Variants in GOLM1 observed in about 807,000 individuals in gnomAD.
GOLM1 encodes epididymis luminal protein 46.
GOLM1 carries 31 observed loss-of-function variants against 50.5 expected under a neutral mutation model. The observed-to-expected ratio is 0.61, with a 90% confidence interval of 0.46 to 0.83. GOLM1 has a LOEUF of 0.83. Among genes scored for constraint, GOLM1 ranks in the 40% least tolerant of loss-of-function variants. GOLM1 has a pLI of 0.00. For missense variants in GOLM1, 491 were observed against 501.3 expected, an observed-to-expected ratio of 0.98 and a Z score of 0.20; for synonymous variants, 178 against 192.8, an observed-to-expected ratio of 0.92 and a Z score of 0.64.
chr9:86,031,878 A>G (rs1017917227), intron 9 of GOLM1, among the ~76,000 whole-genome samples: 4 of 146,838 alleles, frequency 2.7e-5, no homozygotes, highest in African/African-American at 5.0e-5. Context: ...GTCAGCCAAG[A>G]TCGCGCCACT....
chr9:86,093,459 A>C (rs1052557377), intron 1 of GOLM1, among the ~76,000 whole-genome samples: 1 of 151,798 alleles, frequency 6.6e-6, no homozygotes, highest in Admixed American at 6.6e-5. Context: ...AATTCCAGCT[A>C]CTTGGGAGGC....
chr9:86,035,113 AT>A (rs111367890), intron 8 of GOLM1: 1 of 985,316 alleles, frequency 1.0e-6, no homozygotes, highest in Non-Finnish European at 1.2e-6. Flanking sequence ...TCTGCAGGCC[AT>A]CCACTTGCAA....
intron 1 of GOLM1, among the ~76,000 whole-genome samples, chr9:86,082,130 G>A (rs756345882): frequency 7.0e-6 from 1 of 142,770 alleles, no homozygotes; most frequent in Non-Finnish European, 1.5e-5. Context: ...CCAGGTTCAT[G>A]CCATTCTCCT....
intron 1 of GOLM1, among the ~76,000 whole-genome samples, chr9:86,089,639 T>C (rs1005414050): frequency 6.6e-5 from 10 of 152,280 alleles, no homozygotes; most frequent in South Asian, 4.1e-4. Context: ...AAACTGGTTA[T>C]TCTAGTTAGC....
At chr9:86,067,297 G>A (rs1834334882) in intron 3 of GOLM1, among the ~76,000 whole-genome samples, 1 of 152,182 alleles carries the variant, frequency 6.6e-6, no homozygotes, top group South Asian at 2.1e-4. Context: ...GCCCTCCTTA[G>A]GAGAGAATGC....
At chr9:86,061,212 T>C (rs1295725414) in intron 3 of GOLM1, among the ~76,000 whole-genome samples, 1 of 152,168 alleles carries the variant, frequency 6.6e-6, no homozygotes, top group Admixed American at 6.6e-5. Flanking sequence ...GCCACATTGA[T>C]AATTAAATCT....
intron 1 of GOLM1, among the ~76,000 whole-genome samples, chr9:86,098,957 C>T (rs928624258): frequency 6.6e-6 from 1 of 152,180 alleles, no homozygotes; most frequent in African/African-American, 2.4e-5. Flanking sequence ...GAAGAGGCGG[C>T]GGGAGCCGAG....
intron 3 of GOLM1, among the ~76,000 whole-genome samples, chr9:86,055,492 G>T (rs1833958917): frequency 6.6e-6 from 1 of 152,208 alleles, no homozygotes. Flanking sequence ...GCACTCTCAT[G>T]TTCGCTGCAG....
At chr9:86,067,441 A>G (rs1210768752) in intron 3 of GOLM1, among the ~76,000 whole-genome samples, 5 of 152,268 alleles carry the variant, frequency 3.3e-5, no homozygotes, top group Non-Finnish European at 7.3e-5. Context: ...ACAGTATTTC[A>G]CTGGTGGTTG....
intron 3 of GOLM1, among the ~76,000 whole-genome samples, chr9:86,066,427 T>G (rs1476757789): frequency 6.6e-6 from 1 of 152,204 alleles, no homozygotes; most frequent in Non-Finnish European, 1.5e-5. Context: ...TAAGCTTTTC[T>G]TCTTCTGGAC....
chr9:86,033,158 C>T (rs1418585006), intron 9 of GOLM1, 124 bp downstream of exon 9: 11 of 642,238 alleles, frequency 1.7e-5, no homozygotes, highest in East Asian at 2.7e-5. Flanking sequence ...AAAGAACAGA[C>T]GATCTCCTTG....
chr9:86,055,779 G>A (rs1437711624), intron 3 of GOLM1, among the ~76,000 whole-genome samples: 20 of 152,186 alleles, frequency 1.3e-4, no homozygotes, highest in Admixed American at 1.2e-3. Flanking sequence ...TGGCTGTCCA[G>A]GGATAGGAGA....
intron 3 of GOLM1, among the ~76,000 whole-genome samples, chr9:86,069,100 T>C (rs372945783): frequency 5.9e-5 from 9 of 152,108 alleles, no homozygotes; most frequent in Admixed American, 2.6e-4. Context: ...AAGTATATTA[T>C]TAAGTAGTAA....
In GOLM1 at chr9:86,027,680, T is replaced by C; in HGVS notation, c.*137A>G. 1 of 1,423,922 alleles carries C rather than the reference T, an allele frequency of 7.0e-7. No individual in the cohort carries two copies. The highest frequency in any genetic ancestry group is 9.2e-7 in the Non-Finnish European group (1 of 1,089,962). The allele number at this position is 1,423,922 out of a possible 1,614,324, so 88.2% of individuals were successfully genotyped here. A position where few individuals can be genotyped will look rare whatever the true frequency, so the allele number is the denominator to read the frequency against. On this transcript the variant is annotated 3_prime_UTR_variant, in exon 10 of 10. Transcript: ENST00000388712. ...TCCATTTTTTCCTACACAAAGTGCA[T>C]ACTAAAATTTCACAATAATCATCTT...
At chr9:86,029,861 G>A (rs1479230853) in intron 9 of GOLM1, among the ~76,000 whole-genome samples, 3 of 152,290 alleles carry the variant, frequency 2.0e-5, no homozygotes, top group East Asian at 1.9e-4. Flanking sequence ...GGGAATGAGA[G>A]ATCCAAAAAG....
Position 86,033,408 on chromosome 9 carries a change from C to T in GOLM1, c.1016-13G>A, listed in dbSNP as rs1175908064. The T allele has an allele frequency of 9.0e-6, 13 of 1,448,282 alleles. No individual in the cohort carries two copies. The highest frequency in any genetic ancestry group is 1.3e-5 in the Non-Finnish European group (13 of 1,028,692). 89.7% of individuals were successfully genotyped at this position (1,448,282 alleles called of 1,614,324 possible). A position where few individuals can be genotyped will look rare whatever the true frequency, so the allele number is the denominator to read the frequency against. ...TGCTGGTTTCTCCCTGTAAAATTAG[C>T]ACATAAAACATAAGCTACATCATTT... is the stretch of plus-strand genomic sequence containing the variant. On this transcript the variant is annotated splice_polypyrimidine_tract_variant and intron_variant, in intron 8 of 9. Transcript: ENST00000388712.
At chr9:86,088,212 C>T (rs1835037842) in intron 1 of GOLM1, among the ~76,000 whole-genome samples, 1 of 151,754 alleles carries the variant, frequency 6.6e-6, no homozygotes, top group African/African-American at 2.4e-5. Flanking sequence ...TCTAGATTTT[C>T]TAGTTTATTT....
chr9:86,088,046 T>G (rs1275572983), intron 1 of GOLM1, among the ~76,000 whole-genome samples: 3 of 152,118 alleles, frequency 2.0e-5, no homozygotes. Flanking sequence ...CTGGTAGAAT[T>G]TGGCTGTGAT....
chr9:86,063,988 TA>T (rs1352481142), intron 3 of GOLM1, among the ~76,000 whole-genome samples: 1 of 152,158 alleles, frequency 6.6e-6, no homozygotes, highest in East Asian at 1.9e-4. Flanking sequence ...ATGGCATGTT[TA>T]AAAATCAAAC....
Sources: allele counts gnomAD v4.1 joint callset (sites outside exome capture counted in the v4.1 genomes callset), GRCh38; gene constraint gnomAD v4.1.1; transcripts MANE v1.5; gene names NCBI Gene and HGNC (gene_info 2026-07-23, HGNC 2026-07-21).